PDSS2: variants seen among roughly 807,000 people sequenced by gnomAD.
The protein encoded by PDSS2 is decaprenyl diphosphate synthase subunit 2.
A neutral mutation model predicts 44.5 loss-of-function variants in PDSS2; 31 were observed. The ratio of observed to expected loss-of-function variants is 0.70; its 90% CI spans 0.52 to 0.94. PDSS2 has a LOEUF of 0.94. Among genes scored for constraint, PDSS2 ranks in the 40% least tolerant of loss-of-function variants. The probability of loss-of-function intolerance (pLI) is 0.00; values close to 1 mark genes in which losing one functional copy is unlikely to be tolerated. For missense variants in PDSS2, 452 were observed against 482.2 expected (o/e 0.94, Z 0.59); for synonymous variants, 157 against 180.3 (o/e 0.87, Z 1.03).
chr6:107,211,388 T>A (rs1167016196), intron 5 of PDSS2, among the ~76,000 whole-genome samples: 1 of 152,140 alleles, frequency 6.6e-6, no homozygotes, highest in Non-Finnish European at 1.5e-5. Context: ...TTCAATTTTA[T>A]TCACTATATT....
chr6:107,288,754 T>G (rs13219846), intron 2 of PDSS2, among the ~76,000 whole-genome samples: 4 of 66,288 alleles, frequency 6.0e-5, no homozygotes, highest in Admixed American at 1.6e-4. Context: ...GACGAAATTG[T>G]TTTTTTTTTT....
intron 4 of PDSS2, among the ~76,000 whole-genome samples, chr6:107,217,638 C>A (rs1017352711): frequency 6.6e-5 from 10 of 151,964 alleles, no homozygotes; most frequent in African/African-American, 2.2e-4. Flanking sequence ...GAAGTGGAAA[C>A]TAGCTGGAAA....
intron 1 of PDSS2, among the ~76,000 whole-genome samples, chr6:107,455,697 T>C (rs947652621): frequency 3.1e-5 from 4 of 129,352 alleles, no homozygotes; most frequent in Admixed American, 1.1e-4. Flanking sequence ...GAGGTTGCAG[T>C]GAGCCGAGAT....
chr6:107,261,292 G>A (rs2500558), intron 3 of PDSS2, among the ~76,000 whole-genome samples: 64,331 of 152,096 alleles, frequency 0.42, 14,862 homozygotes, highest in Middle Eastern at 0.62. Flanking sequence ...TTTGGATCAT[G>A]GGGGCAGATC....
chr6:107,458,260 TG>T (rs1198934282), intron 1 of PDSS2, among the ~76,000 whole-genome samples: 1 of 149,524 alleles, frequency 6.7e-6, no homozygotes, highest in Non-Finnish European at 1.5e-5. Context: ...CCGAGGCGGG[TG>T]GATCACGAGG....
intron 2 of PDSS2, among the ~76,000 whole-genome samples, chr6:107,308,615 G>C (rs1257809073): frequency 6.6e-6 from 1 of 152,176 alleles, no homozygotes; most frequent in Non-Finnish European, 1.5e-5. Context: ...TGAGGATTTG[G>C]GGGGAGGAAT....
At chr6:107,298,589 C>T (rs1776587738) in intron 2 of PDSS2, among the ~76,000 whole-genome samples, 1 of 152,100 alleles carries the variant, frequency 6.6e-6, no homozygotes, top group Non-Finnish European at 1.5e-5. Context: ...TACCTATATA[C>T]ATAGTGTAGC....
At chr6:107,233,290 C>T (rs542986857) in intron 4 of PDSS2, among the ~76,000 whole-genome samples, 1 of 152,264 alleles carries the variant, frequency 6.6e-6, no homozygotes, top group East Asian at 1.9e-4. Flanking sequence ...AATTGCTCTC[C>T]TGTGGCTTCA....
At chr6:107,377,599 C>A (rs1233038119) in intron 1 of PDSS2, among the ~76,000 whole-genome samples, 1 of 151,934 alleles carries the variant, frequency 6.6e-6, no homozygotes. Context: ...ATGTTTATTG[C>A]GGCACTATTC....
At position 107,154,380 on chromosome 6, in the gene PDSS2, T is replaced by C. The variant is rs1770809207; in HGVS notation, c.*239A>G. 1 of 475,510 alleles carries C rather than the reference T, an allele frequency of 2.1e-6. No homozygotes were observed. Among genetic ancestry groups the C allele is most frequent in the South Asian group, 2.1e-5 (1 of 47,856 alleles). 29.5% of individuals were successfully genotyped at this position (475,510 alleles called of 1,614,324 possible). A position where few individuals can be genotyped will look rare whatever the true frequency, so the allele number is the denominator to read the frequency against. Reference sequence around the variant, plus strand: ...AGGAGCGAATCTCATTAATTATTTCTGCGACTGCAGCCTCAAGTGTGCTTC... The same window carrying C: ...AGGAGCGAATCTCATTAATTATTTCCGCGACTGCAGCCTCAAGTGTGCTTC... On this transcript the variant is annotated 3_prime_UTR_variant, in exon 8 of 8. Coordinates refer to ENST00000369037, the MANE Select transcript of PDSS2 (RefSeq NM_020381.4).
chr6:107,423,168 T>A (rs185907041), intron 1 of PDSS2, among the ~76,000 whole-genome samples: 3 of 152,264 alleles, frequency 2.0e-5, no homozygotes, highest in African/African-American at 7.2e-5. Context: ...GCATCTCTGT[T>A]ATATCTAGTT....
chr6:107,311,286 C>T (rs1265576733), intron 2 of PDSS2, among the ~76,000 whole-genome samples: 1 of 149,862 alleles, frequency 6.7e-6, no homozygotes, highest in African/African-American at 2.5e-5. Context: ...GCCTTGATCT[C>T]CCAGGCTTAA....
chr6:107,239,016 G>A (rs555501901), intron 4 of PDSS2, among the ~76,000 whole-genome samples: 3 of 152,120 alleles, frequency 2.0e-5, no homozygotes, highest in African/African-American at 4.8e-5. Context: ...TGTGGCTCAC[G>A]CCTGTAATCC....
intron 7 of PDSS2, among the ~76,000 whole-genome samples, chr6:107,168,505 T>G (rs1240126695): frequency 3.3e-5 from 5 of 151,856 alleles, no homozygotes; most frequent in Admixed American, 3.3e-4. Context: ...ATGTGTGAAT[T>G]TGATCCTGTC....
At chr6:107,425,051 CTCTT>C (rs1390296173) in intron 1 of PDSS2, among the ~76,000 whole-genome samples, 2 of 152,192 alleles carry the variant, frequency 1.3e-5, no homozygotes, top group Non-Finnish European at 2.9e-5. Flanking sequence ...TGTACAAGAT[CTCTT>C]TCTTTGCCTG....
intron 1 of PDSS2, among the ~76,000 whole-genome samples, chr6:107,346,903 T>C (rs992626974): frequency 6.6e-6 from 1 of 152,276 alleles, no homozygotes; most frequent in East Asian, 1.9e-4. Flanking sequence ...CCAGCAGAGG[T>C]GTGCAGGCTC....
chr6:107,341,770 T>G (rs1449349745), intron 1 of PDSS2, among the ~76,000 whole-genome samples: 1 of 152,172 alleles, frequency 6.6e-6, no homozygotes, highest in East Asian at 1.9e-4. Context: ...TGGGCTTTCA[T>G]GGACTTACTA....
At chr6:107,305,758 C>T (rs1776839206) in intron 2 of PDSS2, among the ~76,000 whole-genome samples, 1 of 152,088 alleles carries the variant, frequency 6.6e-6, no homozygotes, top group Non-Finnish European at 1.5e-5. Context: ...AATTCTCCAG[C>T]TTTATTTATT....
At chr6:107,332,041 T>C (rs985580738) in intron 2 of PDSS2, among the ~76,000 whole-genome samples, 1 of 152,274 alleles carries the variant, frequency 6.6e-6, no homozygotes, top group Middle Eastern at 3.4e-3. Flanking sequence ...TAAATTTTTA[T>C]ATATTTTCTC....
Sources: gnomAD v4.1 joint callset for allele counts (sites outside exome capture counted in the v4.1 genomes callset) on GRCh38, gnomAD v4.1.1 for gene constraint, MANE v1.5 for transcripts, NCBI Gene and HGNC (gene_info 2026-07-23, HGNC 2026-07-21) for gene names.